Variants in RAPGEF6 observed in about 807,000 individuals in gnomAD.
The protein encoded by RAPGEF6 is PDZ domain containing guanine nucleotide exchange factor (GEF) 2.
RAPGEF6 carries 56 observed loss-of-function variants against 171.4 expected under a neutral mutation model. The ratio of observed to expected loss-of-function variants is 0.33; its 90% CI spans 0.26 to 0.41. RAPGEF6 has a LOEUF of 0.41. Ranked by LOEUF, RAPGEF6 falls within the 10% of genes least tolerant of loss-of-function variation. The pLI is 1.00. For missense variants in RAPGEF6, 1,674 were observed against 1,921.4 expected (o/e 0.87, Z 2.41); for synonymous variants, 692 against 650.1 (o/e 1.06, Z -0.98).
At chr5:131,562,080 AGG>A (rs1761636625) in intron 4 of RAPGEF6, 33 bp from the exon 5 acceptor site, 1 of 1,410,266 alleles carries the variant, frequency 7.1e-7, no homozygotes, top group African/African-American at 1.5e-5. Context: ...TCTTTAGCAA[AGG>A]TTATTAATAA....
intron 4 of RAPGEF6, 106 bp downstream of exon 4, chr5:131,592,277 A>C: frequency 1.4e-6 from 2 of 1,476,396 alleles, no homozygotes; most frequent in Non-Finnish European, 1.8e-6. Flanking sequence ...TGGTGCCAAC[A>C]AGCAAAGACA....
At chr5:131,541,371 A>G (rs974500034) in intron 6 of RAPGEF6, among the ~76,000 whole-genome samples, 1 of 152,236 alleles carries the variant, frequency 6.6e-6, no homozygotes, top group Non-Finnish European at 1.5e-5. Context: ...GAAGAAGCCA[A>G]TAAGAGCCTT....
intron 16 of RAPGEF6, 92 bp from the exon 17 acceptor site, chr5:131,472,836 C>T: frequency 9.0e-7 from 1 of 1,113,968 alleles, no homozygotes; most frequent in Non-Finnish European, 1.3e-6. Context: ...CATAAAAGAA[C>T]CAATTCAAAG....
intron 4 of RAPGEF6, among the ~76,000 whole-genome samples, chr5:131,578,995 G>A (rs1762767147): frequency 1.3e-5 from 2 of 152,184 alleles, no homozygotes; most frequent in Non-Finnish European, 2.9e-5. Flanking sequence ...CTCGTAGTGA[G>A]TGTTACAGTT....
chr5:131,497,933 A>T (rs1268073953), intron 12 of RAPGEF6, among the ~76,000 whole-genome samples: 1 of 152,246 alleles, frequency 6.6e-6, no homozygotes, highest in Non-Finnish European at 1.5e-5. Context: ...ACAAAAAAAT[A>T]CTCAAAAGGT....
chr5:131,619,250 C>G (rs7724769), intron 1 of RAPGEF6, among the ~76,000 whole-genome samples: 2 of 151,860 alleles, frequency 1.3e-5, no homozygotes, highest in Non-Finnish European at 2.9e-5. Context: ...CACTCTTAAG[C>G]GGCAGCTGAA....
chr5:131,499,749 A>G (rs1161700859), intron 11 of RAPGEF6, among the ~76,000 whole-genome samples: 1 of 152,150 alleles, frequency 6.6e-6, no homozygotes, highest in Non-Finnish European at 1.5e-5. Flanking sequence ...TGTTATCCAT[A>G]ACACCCAACC....
At position 131,428,921 on chromosome 5, in the gene RAPGEF6, A is replaced by G; in HGVS notation, c.4761T>C (p.Asp1587=). The G allele has an allele frequency of 6.2e-7, 1 of 1,613,880 alleles. No homozygotes were observed. The highest frequency in any genetic ancestry group is 8.5e-7 in the Non-Finnish European group (1 of 1,179,714). Residue 1587 remains aspartate, a synonymous_variant, in exon 27 of 28, where the codon GAT becomes GAC. Transcript: ENST00000509018. ...PFHPKLGDVT[D]ADSEADENEQ... ...ACATACCATCTGCTTCGCTATCTGC[A>G]TCAGTCACATCTCCTAGTTTAGGAT...
chr5:131,482,119 A>G (rs1028585681), intron 15 of RAPGEF6, among the ~76,000 whole-genome samples: 6 of 152,234 alleles, frequency 3.9e-5, no homozygotes, highest in African/African-American at 1.2e-4. Flanking sequence ...TTACCAAAGC[A>G]CAGCGCAAGT....
In RAPGEF6 at chr5:131,424,401, A is replaced by G. The variant is rs138177493; in HGVS notation, c.*2865T>C. 6.6e-6 allele frequency: 1 copy of G among 152,482 alleles called. No individual in the cohort carries two copies. Among genetic ancestry groups the G allele is most frequent in the African/African-American group, 2.4e-5 (1 of 41,586 alleles). The allele number at this position is 152,482 out of a possible 1,614,324, so 9.4% of individuals were successfully genotyped here. ...TTTCTAGCCTTTAAGGTAATGCTGA[A>G]GGAATACATATACTTTAATATCACC... On this transcript the variant is annotated 3_prime_UTR_variant, in exon 28 of 28. Transcript: ENST00000509018.
chr5:131,603,358 T>A (rs908841734), intron 2 of RAPGEF6, 31 bp from the exon 3 acceptor site: 1 of 1,390,774 alleles, frequency 7.2e-7, no homozygotes, highest in South Asian at 1.4e-5. Context: ...AGATTTTATC[T>A]TACATTTTGT....
At chr5:131,475,094 A>G (rs1343008751) in intron 16 of RAPGEF6, among the ~76,000 whole-genome samples, 1 of 152,236 alleles carries the variant, frequency 6.6e-6, no homozygotes, top group African/African-American at 2.4e-5. Context: ...TAGAGAAAAC[A>G]CTGTATAGCT....
At chr5:131,454,112 T>C (rs1753309809) in intron 20 of RAPGEF6, among the ~76,000 whole-genome samples, 1 of 152,214 alleles carries the variant, frequency 6.6e-6, no homozygotes, top group East Asian at 1.9e-4. Context: ...ACAGACACCC[T>C]GTCTTTTGAG....
At chr5:131,489,129 C>T (rs1484429806) in intron 15 of RAPGEF6, among the ~76,000 whole-genome samples, 1 of 152,178 alleles carries the variant, frequency 6.6e-6, no homozygotes, top group African/African-American at 2.4e-5. Context: ...CATAAAACAG[C>T]TAATCTGGCA....
In RAPGEF6 at chr5:131,498,560, G is replaced by C; in HGVS notation, c.1302C>G (p.Ile434Met). 1 of 1,613,706 alleles carries C rather than the reference G, an allele frequency of 6.2e-7. No individual in the cohort carries two copies. Among genetic ancestry groups the C allele is most frequent in the African/African-American group, 1.3e-5 (1 of 75,016 alleles). ...AATCTTCTATATAAGTTGGATCCAC[G>C]ATGGAATGTTCTTCTATTAAATGCA... ...LIMHLIEEHS[I>M]VDPTYIEDFL... Residue 434 changes from isoleucine (I) to methionine (M), a missense_variant, in exon 12 of 28, where the codon ATC becomes ATG. By Grantham distance (10) the Ile-to-Met change is conservative. This residue lies in a region of RAPGEF6 where 1,116 missense variants were observed against 1,321.5 expected (regional missense o/e 0.84). Transcript: ENST00000509018.
intron 15 of RAPGEF6, 152 bp from the exon 16 acceptor site, chr5:131,479,905 T>G (rs900223968): frequency 5.5e-6 from 4 of 730,366 alleles, no homozygotes; most frequent in Non-Finnish European, 8.8e-6. Context: ...TTACCCGTCC[T>G]TTAGCAGCTA....
intron 22 of RAPGEF6, among the ~76,000 whole-genome samples, chr5:131,445,250 T>G (rs1341179117): frequency 6.6e-6 from 1 of 152,222 alleles, no homozygotes; most frequent in African/African-American, 2.4e-5. Flanking sequence ...ATAGCACTTA[T>G]TAAAAGGCTC....
chr5:131,606,485 A>G (rs1764596526), intron 1 of RAPGEF6, among the ~76,000 whole-genome samples: 1 of 152,234 alleles, frequency 6.6e-6, no homozygotes, highest in African/African-American at 2.4e-5. Context: ...AACAGTGAAA[A>G]AGATATTTAA....
intron 13 of RAPGEF6, among the ~76,000 whole-genome samples, chr5:131,494,849 C>G (rs1756523685): frequency 6.6e-6 from 1 of 152,098 alleles, no homozygotes; most frequent in South Asian, 2.1e-4. Flanking sequence ...TGTGAACATA[C>G]ATGTGTATGA....
Sources: gnomAD v4.1 joint callset for allele counts (sites outside exome capture counted in the v4.1 genomes callset) on GRCh38, gnomAD v4.1.1 for gene constraint, gnomAD v4.1.1 regional missense constraint, MANE v1.5 for transcripts, NCBI Gene and HGNC (gene_info 2026-07-23, HGNC 2026-07-21) for gene names.